Variants in ZXDC observed in about 807,000 individuals in gnomAD.
ZXDC encodes zinc finger protein ZXDC.
In ZXDC, 58 loss-of-function variants were observed where a neutral mutation model predicts 63.6. The ratio of observed to expected loss-of-function variants is 0.91; its 90% CI spans 0.74 to 1.13. ZXDC has a LOEUF of 1.13. Among genes scored for constraint, ZXDC ranks in the 50% most tolerant of loss-of-function variants. The probability of loss-of-function intolerance (pLI) is 0.00; values close to 1 mark genes in which losing one functional copy is unlikely to be tolerated. For missense variants in ZXDC, 1,133 were observed against 1,148.9 expected, an observed-to-expected ratio of 0.99 and a Z score of 0.20; for synonymous variants, 561 against 496.1, an observed-to-expected ratio of 1.13 and a Z score of -1.74.
intron 6 of ZXDC, chr3:126,459,963 A>C (rs1275521364): frequency 1.0e-6 from 1 of 985,388 alleles, no homozygotes; most frequent in African/African-American, 1.7e-5. Context: ...AGAGAAGCAA[A>C]GTTCATTCCT....
At chr3:126,466,073 G>A in intron 5 of ZXDC, 82 bp downstream of exon 5, 1 of 1,494,878 alleles carries the variant, frequency 6.7e-7, no homozygotes, top group Non-Finnish European at 9.0e-7. Flanking sequence ...TCCAAGAGGT[G>A]AAGAAGGAAC....
Position 126,475,532 on chromosome 3 carries a change from G to A in ZXDC, c.334C>T (p.Pro112Ser), listed in dbSNP as rs1279973994. 7.7e-7 allele frequency: 1 copy of A among 1,293,872 alleles called. No homozygotes were observed. The highest frequency in any genetic ancestry group is 9.8e-7 in the Non-Finnish European group (1 of 1,023,588). 80.1% of individuals were successfully genotyped at this position (1,293,872 alleles called of 1,614,324 possible). ...VNLASRPEQGPSGPAAPPGPG... is the reference protein window; with the variant it reads ...VNLASRPEQGSSGPAAPPGPG... Reference sequence around the variant, plus strand: ...CCGGGGGGGGCGGCCGGGCCGCTGGGGCCCTGCTCGGGGCGGCTCGCCAGG... The same window carrying A: ...CCGGGGGGGGCGGCCGGGCCGCTGGAGCCCTGCTCGGGGCGGCTCGCCAGG... The change falls in exon 1 of 10, where the codon CCC (proline) becomes TCC (serine). Residue 112 changes from proline to serine, a missense_variant. Coordinates refer to ENST00000389709, the MANE Select transcript of ZXDC (RefSeq NM_025112.5).
chr3:126,444,541 AAAT>A (rs1002293036), intron 7 of ZXDC, among the ~76,000 whole-genome samples: 2 of 152,150 alleles, frequency 1.3e-5, no homozygotes, highest in East Asian at 1.9e-4. Context: ...CAAAAAAAAA[AAAT>A]AATAATAATA....
chr3:126,445,560 T>C (rs1222522347), intron 7 of ZXDC, among the ~76,000 whole-genome samples: 2 of 151,780 alleles, frequency 1.3e-5, no homozygotes, highest in South Asian at 2.1e-4. Context: ...GCAGTAGAAG[T>C]CTGGTGGAGA....
intron 1 of ZXDC, among the ~76,000 whole-genome samples, chr3:126,474,757 C>T (rs1174662863): frequency 2.6e-5 from 4 of 152,244 alleles, no homozygotes; most frequent in Non-Finnish European, 5.9e-5. Flanking sequence ...TGGTGATCTG[C>T]GCTACCTGCC....
At position 126,475,262 on chromosome 3, in the gene ZXDC, C is replaced by G; in HGVS notation, c.604G>C (p.Gly202Arg). 6.4e-7 allele frequency: 1 copy of G among 1,554,530 alleles called. No individual in the cohort carries two copies. Among genetic ancestry groups the G allele is most frequent in the Non-Finnish European group, 8.7e-7 (1 of 1,148,986 alleles). ...CACTTGAAGGGCCGCCGGCCCTGAC[C>G]GCCGCCGTGCGTGAGCAGGTGCACC... Reference protein sequence around the residue: ...LKVHLLTHGGGQGRRPFKCPL... With the variant: ...LKVHLLTHGGRQGRRPFKCPL... The change falls in exon 1 of 10, where the codon GGT (glycine) becomes CGT (arginine). Residue 202 changes from glycine to arginine, a missense_variant. Physicochemically the swap from Gly to Arg is moderately radical, Grantham distance 125 (BLOSUM62 -2). Transcript: ENST00000389709.
At chr3:126,445,089 T>G (rs1338390430) in intron 7 of ZXDC, among the ~76,000 whole-genome samples, 1 of 152,216 alleles carries the variant, frequency 6.6e-6, no homozygotes, top group African/African-American at 2.4e-5. Flanking sequence ...TTTAATTCAG[T>G]GTCTCAGGTA....
At chr3:126,457,465 G>A (rs1934352743) in intron 7 of ZXDC, 1 of 985,294 alleles carries the variant, frequency 1.0e-6, no homozygotes, top group South Asian at 4.7e-5. Context: ...GGATGTGGGT[G>A]GCACTGACAG....
In ZXDC at chr3:126,462,162, G is replaced by A. The variant is rs1934579730; in HGVS notation, c.1500C>T (p.Ser500=). The part of the protein sequence containing the change: ...SSLTPSSELS[S]PGQSELTNMD... ...TGTTAGTGAGCTCACTTTGGCCTGG[G>A]CTGCTGAGTTCACTGCTGGGAGTAA... The change falls in exon 6 of 10, where the codon AGC becomes AGT. Residue 500 remains serine, a synonymous_variant. Transcript: ENST00000389709. The A allele has an allele frequency of 2.5e-6, 4 of 1,611,636 alleles. No homozygotes were observed. Among genetic ancestry groups the A allele is most frequent in the Admixed American group, 3.3e-5 (2 of 59,998 alleles).
At chr3:126,472,386 C>A in intron 1 of ZXDC, 81 bp from the exon 2 acceptor site, 29 of 1,521,872 alleles carry the variant, frequency 1.9e-5, no homozygotes, top group Non-Finnish European at 2.4e-5. Flanking sequence ...ACCCACCAGA[C>A]CCTGTTCACA....
At chr3:126,446,025 TG>T (rs1933870998) in intron 7 of ZXDC, among the ~76,000 whole-genome samples, 1 of 152,208 alleles carries the variant, frequency 6.6e-6, no homozygotes, top group South Asian at 2.1e-4. Context: ...AAGGGCGCCA[TG>T]GCATCAAATG....
chr3:126,472,213 C>G lies in ZXDC; in HGVS notation c.1000G>C (p.Gly334Arg), dbSNP rs756674150. ...GCTTTATCATACTGCTTGCTGCACCCAGGAAAGGAGCAGGAAAAGAGCTCT... is the reference window on the plus strand; with the variant it reads ...GCTTTATCATACTGCTTGCTGCACCGAGGAAAGGAGCAGGAAAAGAGCTCT... ...EQELFSCSFP[G>R]CSKQYDKACR... The change falls in exon 2 of 10, where the codon GGG (glycine) becomes CGG (arginine). Residue 334 changes from glycine to arginine, a missense_variant. Gly to Arg is a moderately radical substitution (Grantham distance 125). Coordinates refer to ENST00000389709, the MANE Select transcript of ZXDC (RefSeq NM_025112.5). The G allele has an allele frequency of 5.6e-6, 9 of 1,613,476 alleles. No homozygotes were observed. In the African/African-American group the frequency reaches 1.2e-4, roughly 22 times the overall value.
In ZXDC at chr3:126,462,014, C is replaced by T; in HGVS notation, c.1648G>A (p.Gly550Arg). The part of the protein sequence containing the change: ...IDVTSVSSSL[G>R]GNLPANNSSL... ...CTATTATTAGCAGGGAGGTTCCCTC[C>T]CAGAGAGGAGCTCACAGAAGTGACG... is the stretch of plus-strand genomic sequence containing the variant. The change falls in exon 6 of 10, where the codon GGA (glycine) becomes AGA (arginine). Residue 550 changes from glycine to arginine, a missense_variant. Gly to Arg is a moderately radical substitution (Grantham distance 125). Coordinates refer to ENST00000389709, the MANE Select transcript of ZXDC (RefSeq NM_025112.5). 6.2e-7 allele frequency: 1 copy of T among 1,614,024 alleles called. No homozygotes were observed. Among genetic ancestry groups the T allele is most frequent in the Non-Finnish European group, 8.5e-7 (1 of 1,180,022 alleles).
At chr3:126,439,330 A>C (rs1281425801) in intron 9 of ZXDC, among the ~76,000 whole-genome samples, 1 of 152,232 alleles carries the variant, frequency 6.6e-6, no homozygotes, top group African/African-American at 2.4e-5. Context: ...ATTCTCCCAC[A>C]GGCTGGGCCC....
At chr3:126,461,030 CT>C in intron 6 of ZXDC, 1 of 984,320 alleles carries the variant, frequency 1.0e-6, no homozygotes, top group Non-Finnish European at 1.2e-6. Context: ...AGCCTCAAAA[CT>C]GGGGAAGTAC....
Position 126,459,937 on chromosome 3 carries a change from T to C in ZXDC, c.2128-200A>G, listed in dbSNP as rs1322849996. 6 of 985,386 alleles carry C rather than the reference T, an allele frequency of 6.1e-6. No individual in the cohort carries two copies. The African/African-American group carries it at 7.0e-5, about 11-fold the overall frequency. 61.0% of individuals were successfully genotyped at this position (985,386 alleles called of 1,614,324 possible). A position where few individuals can be genotyped will look rare whatever the true frequency, so the allele number is the denominator to read the frequency against. On this transcript the variant is annotated intron_variant, in intron 6 of 9. Coordinates refer to ENST00000389709, the MANE Select transcript of ZXDC (RefSeq NM_025112.5). ...ACAAACTTGGAGCTGGAACAATGTA[T>C]GTGACTTTCTTATCCAGAGAAGCAA...
intron 6 of ZXDC, 78 bp downstream of exon 6, chr3:126,461,457 G>C: frequency 6.6e-7 from 1 of 1,506,884 alleles, no homozygotes; most frequent in South Asian, 1.3e-5. Flanking sequence ...GCATAGAAAG[G>C]ATTAATCCAG....
intron 7 of ZXDC, chr3:126,451,349 G>A: frequency 1.0e-6 from 1 of 985,400 alleles, no homozygotes. Context: ...CATGCACAGA[G>A]TGTACAGTTC....
intron 7 of ZXDC, among the ~76,000 whole-genome samples, chr3:126,456,893 A>T (rs1934326644): frequency 6.6e-6 from 1 of 152,202 alleles, no homozygotes; most frequent in Non-Finnish European, 1.5e-5. Context: ...CCAGGTTACC[A>T]CATCTGCCGT....
Sources: gnomAD v4.1 joint callset for allele counts (sites outside exome capture counted in the v4.1 genomes callset) on GRCh38, gnomAD v4.1.1 for gene constraint, MANE v1.5 for transcripts, NCBI Gene and HGNC (gene_info 2026-07-23, HGNC 2026-07-21) for gene names.